Variants in NTRK3 observed in about 807,000 individuals in gnomAD.
NTRK3 encodes NT-3 growth factor receptor.
NTRK3 carries 24 observed loss-of-function variants against 91.7 expected under a neutral mutation model. The observed-to-expected ratio is 0.26, with a 90% CI of 0.19 to 0.37. The LOEUF is 0.37. NTRK3 is among the 10% of genes least tolerant of loss of function. NTRK3 has a pLI of 1.00. For synonymous variants in NTRK3, 483 were observed against 404.0 expected, an observed-to-expected ratio of 1.20 and a Z score of -2.34; for missense variants, 880 against 1,068.9, an observed-to-expected ratio of 0.82 and a Z score of 2.46.
At chr15:88,032,660 C>A (rs530341476) in intron 14 of NTRK3, among the ~76,000 whole-genome samples, 197 bp downstream of exon 14, 1 of 152,092 alleles carries the variant, frequency 6.6e-6, no homozygotes, top group East Asian at 1.9e-4. Flanking sequence ...GGACCCCCTT[C>A]GCAGAGGACT....
intron 17 of NTRK3, among the ~76,000 whole-genome samples, chr15:87,892,855 A>G (rs1188264927): frequency 6.6e-6 from 1 of 152,222 alleles, no homozygotes; most frequent in Non-Finnish European, 1.5e-5. Context: ...AAATTCAAGG[A>G]ACAGGAGCCA....
intron 11 of NTRK3, 23 bp downstream of exon 11, chr15:88,128,688 A>T (rs2053530565): frequency 6.2e-7 from 1 of 1,613,332 alleles, no homozygotes; most frequent in African/African-American, 1.3e-5. Context: ...TCAGTTTCAA[A>T]GCAACAGGTA....
At chr15:88,074,573 C>T (rs1201922503) in intron 13 of NTRK3, among the ~76,000 whole-genome samples, 1 of 152,202 alleles carries the variant, frequency 6.6e-6, no homozygotes, top group Non-Finnish European at 1.5e-5. Context: ...CACCCAGGCC[C>T]TAATCATGGA....
intron 14 of NTRK3, among the ~76,000 whole-genome samples, chr15:87,970,709 T>C (rs1352658102): frequency 6.6e-6 from 1 of 152,212 alleles, no homozygotes; most frequent in Non-Finnish European, 1.5e-5. Flanking sequence ...AGTTCTCTGA[T>C]GGATCCTTGG....
intron 17 of NTRK3, among the ~76,000 whole-genome samples, chr15:87,896,477 A>G (rs897568360): frequency 5.9e-5 from 9 of 151,516 alleles, no homozygotes; most frequent in Admixed American, 5.9e-4. Context: ...CTCAAAGAAA[A>G]AAAAAAAAAA....
At chr15:87,956,986 G>C (rs1173377010) in intron 14 of NTRK3, among the ~76,000 whole-genome samples, 1 of 152,100 alleles carries the variant, frequency 6.6e-6, no homozygotes, top group African/African-American at 2.4e-5. Context: ...TCTGCACTGG[G>C]GGCGGAGCAG....
intron 17 of NTRK3, among the ~76,000 whole-genome samples, chr15:87,881,033 A>C (rs35804611): frequency 6.6e-6 from 1 of 152,052 alleles, no homozygotes; most frequent in Non-Finnish European, 1.5e-5. Flanking sequence ...GTAAGATCTC[A>C]AAGGACAGTA....
intron 17 of NTRK3, among the ~76,000 whole-genome samples, chr15:87,924,607 G>A (rs1044624648): frequency 1.4e-4 from 22 of 152,162 alleles, no homozygotes; most frequent in African/African-American, 5.1e-4. Flanking sequence ...CCAGGATAAT[G>A]CACTGCTTGA....
intron 17 of NTRK3, among the ~76,000 whole-genome samples, chr15:87,881,346 A>T (rs1011020065): frequency 4.6e-5 from 7 of 152,220 alleles, no homozygotes; most frequent in African/African-American, 1.7e-4. Flanking sequence ...TAATATTGAA[A>T]AAAGAGTTGT....
At chr15:88,154,697 T>A (rs761159049) in intron 5 of NTRK3, among the ~76,000 whole-genome samples, 1 of 152,230 alleles carries the variant, frequency 6.6e-6, no homozygotes, top group Non-Finnish European at 1.5e-5. Context: ...CAGCCTGTTA[T>A]GGGCTCTACC....
exon 19 of NTRK3, chr15:87,868,399 A>G (rs1488616507): frequency 4.5e-6 from 1 of 224,264 alleles, no homozygotes. Context: ...CAATTCTCCT[A>G]AAGAAATACC....
chr15:88,106,499 G>T (rs957913965), intron 13 of NTRK3, among the ~76,000 whole-genome samples: 1 of 152,240 alleles, frequency 6.6e-6, no homozygotes, highest in African/African-American at 2.4e-5. Flanking sequence ...AATGAGCTTT[G>T]CAGAGTAATG....
At position 88,056,912 on chromosome 15, in the gene NTRK3, T is replaced by C. The variant is rs181918245; in HGVS notation, c.1397-23867A>G. 8.5e-3 allele frequency among the ~76,000 whole-genome samples: 1,301 copies of C among 152,292 alleles called. 9 individuals carry two copies. The highest frequency in any genetic ancestry group is 0.015 in the Non-Finnish European group (998 of 68,028). On this transcript the variant is annotated intron_variant, in intron 13 of 18. Coordinates refer to ENST00000394480, the Ensembl canonical transcript of NTRK3. Reference sequence around the variant, plus strand: ...TCGGCCGGGCGCGGTGGCTCACGCCTGTAATCCCAGCACTTTGGGAGGCCG... The same window carrying C: ...TCGGCCGGGCGCGGTGGCTCACGCCCGTAATCCCAGCACTTTGGGAGGCCG...
chr15:87,877,188 G>A (rs2141440101), intron 18 of NTRK3, 68 bp from the exon 20 acceptor site: 4 of 1,525,492 alleles, frequency 2.6e-6, no homozygotes, highest in South Asian at 1.2e-5. Context: ...CTCAGACTCG[G>A]CAAAAAGCAA....
chr15:88,112,720 ACT>A (rs2150987926), intron 13 of NTRK3, among the ~76,000 whole-genome samples: 1 of 152,124 alleles, frequency 6.6e-6, no homozygotes, highest in South Asian at 2.1e-4. Context: ...GTGATGGGAG[ACT>A]CTGAGCAGCA....
At chr15:87,887,106 C>G (rs1484144414) in intron 17 of NTRK3, among the ~76,000 whole-genome samples, 1 of 151,970 alleles carries the variant, frequency 6.6e-6, no homozygotes, top group Non-Finnish European at 1.5e-5. Flanking sequence ...GTTTGAAAGC[C>G]TCAATTTTAC....
intron 3 of NTRK3, among the ~76,000 whole-genome samples, chr15:88,200,151 T>A (rs770859934): frequency 5.3e-5 from 8 of 152,202 alleles, no homozygotes; most frequent in African/African-American, 1.9e-4. Context: ...CATGTCCCCC[T>A]GCATTCACCA....
intron 6 of NTRK3, among the ~76,000 whole-genome samples, chr15:88,145,472 G>A (rs911755628): frequency 6.6e-6 from 1 of 152,092 alleles, no homozygotes; most frequent in Non-Finnish European, 1.5e-5. Flanking sequence ...TCCTCCATAA[G>A]TCACATCTAA....
At chr15:87,942,964 G>A (rs116635489) in intron 14 of NTRK3, among the ~76,000 whole-genome samples, 1,898 of 152,262 alleles carry the variant, frequency 0.012, 35 homozygotes, top group African/African-American at 0.044. Flanking sequence ...TGGCAGGGTT[G>A]CCAAGTTACT....
Sources: gnomAD v4.1 joint callset for allele counts (sites outside exome capture counted in the v4.1 genomes callset) on GRCh38, gnomAD v4.1.1 for gene constraint, MANE v1.5 for transcripts, NCBI Gene and HGNC (gene_info 2026-07-23, HGNC 2026-07-21) for gene names.